Variants in ZBTB20 observed in about 807,000 individuals in gnomAD.
ZBTB20 encodes the protein zinc finger and BTB domain-containing protein 20.
Under a neutral mutation model 56.9 loss-of-function variants are expected in ZBTB20, and 9 were observed. The observed-to-expected ratio is 0.16, with a 90% CI of 0.10 to 0.28. The LOEUF (loss-of-function observed/expected upper bound fraction) is 0.28. ZBTB20 is among the 10% of genes least tolerant of loss of function. ZBTB20 has a pLI of 1.00. For synonymous variants in ZBTB20, 417 were observed against 420.7 expected, an observed-to-expected ratio of 0.99 and a Z score of 0.11; for missense variants, 655 against 1,003.0, an observed-to-expected ratio of 0.65 and a Z score of 4.69.
chr3:114,688,056 C>G (rs1245318658), intron 6 of ZBTB20: 5 of 152,166 alleles, frequency 3.3e-5, no homozygotes, highest in South Asian at 4.2e-4. Flanking sequence ...ATGGTGAAAC[C>G]CTGTCTCTAC....
chr3:115,083,497 T>A (rs966783673), intron 1 of ZBTB20, among the ~76,000 whole-genome samples: 1 of 152,058 alleles, frequency 6.6e-6, no homozygotes, highest in Non-Finnish European at 1.5e-5. Flanking sequence ...ACAATACCTA[T>A]GTTTGTAAAC....
At chr3:114,959,471 G>C (rs965109998) in intron 3 of ZBTB20, among the ~76,000 whole-genome samples, 3 of 152,020 alleles carry the variant, frequency 2.0e-5, no homozygotes, top group African/African-American at 7.2e-5. Flanking sequence ...AAGGAAGAAA[G>C]AAAAGACATT....
intron 2 of ZBTB20, among the ~76,000 whole-genome samples, chr3:114,986,899 C>T (rs1313404041): frequency 6.6e-6 from 1 of 152,080 alleles, no homozygotes; most frequent in African/African-American, 2.4e-5. Flanking sequence ...AATCCTACTG[C>T]CAATCAGCTT....
intron 3 of ZBTB20, among the ~76,000 whole-genome samples, chr3:114,939,040 C>T (rs1017071730): frequency 5.5e-5 from 8 of 145,166 alleles, no homozygotes; most frequent in Non-Finnish European, 1.2e-4. Context: ...GAAGCAGCCC[C>T]AAAGAAGGAT....
intron 7 of ZBTB20, among the ~76,000 whole-genome samples, chr3:114,398,897 C>T (rs1449904043): frequency 6.6e-6 from 1 of 152,134 alleles, no homozygotes; most frequent in Non-Finnish European, 1.5e-5. Flanking sequence ...AGACACAATA[C>T]ATTGGTGAAT....
At chr3:114,476,576 G>A (rs2040796828) in intron 7 of ZBTB20, among the ~76,000 whole-genome samples, 1 of 152,186 alleles carries the variant, frequency 6.6e-6, no homozygotes. Context: ...GGGCAAGAGA[G>A]CACAAAAGCC....
chr3:114,706,014 C>T (rs950094621), intron 5 of ZBTB20, among the ~76,000 whole-genome samples: 11 of 152,100 alleles, frequency 7.2e-5, no homozygotes, highest in African/African-American at 2.2e-4. Context: ...CATCTAGCCA[C>T]GGTCTATAGG....
At chr3:115,115,511 T>C (rs897650062) in intron 1 of ZBTB20, among the ~76,000 whole-genome samples, 1 of 152,088 alleles carries the variant, frequency 6.6e-6, no homozygotes, top group Non-Finnish European at 1.5e-5. Context: ...TTTAACTATA[T>C]AGTAAACATT....
At chr3:115,119,920 T>C (rs1024492154) in intron 1 of ZBTB20, among the ~76,000 whole-genome samples, 2 of 151,718 alleles carry the variant, frequency 1.3e-5, no homozygotes, top group African/African-American at 2.4e-5. Flanking sequence ...AAGAAGCCAA[T>C]CTAAAAGGCT....
intron 4 of ZBTB20, among the ~76,000 whole-genome samples, chr3:114,823,686 T>C (rs532265688): frequency 6.6e-6 from 1 of 152,214 alleles, no homozygotes; most frequent in East Asian, 1.9e-4. Flanking sequence ...AGTGCAGTTG[T>C]TGTACTATAT....
intron 6 of ZBTB20, among the ~76,000 whole-genome samples, chr3:114,592,347 G>A (rs754965798): frequency 2.8e-4 from 42 of 152,146 alleles, no homozygotes; most frequent in African/African-American, 6.8e-4. Flanking sequence ...TTATCAAGGC[G>A]TTGTGTCCTG....
chr3:114,400,163 TG>T (rs943869396), intron 7 of ZBTB20, among the ~76,000 whole-genome samples: 2 of 152,200 alleles, frequency 1.3e-5, no homozygotes, highest in Non-Finnish European at 2.9e-5. Flanking sequence ...CTTGTCTTCC[TG>T]GATCTGGTAA....
At chr3:114,438,144 G>C (rs1160942720) in intron 7 of ZBTB20, among the ~76,000 whole-genome samples, 2 of 152,068 alleles carry the variant, frequency 1.3e-5, no homozygotes, top group East Asian at 3.9e-4. Context: ...ATGAGGGGAA[G>C]GCCACAGAAC....
intron 3 of ZBTB20, among the ~76,000 whole-genome samples, chr3:114,943,465 T>C (rs2076786673): frequency 6.9e-6 from 1 of 145,642 alleles, no homozygotes; most frequent in Non-Finnish European, 1.5e-5. Context: ...ATATAGTCTT[T>C]TAAAAACAGT....
intron 6 of ZBTB20, among the ~76,000 whole-genome samples, chr3:114,620,440 G>A (rs1205638073): frequency 6.6e-6 from 1 of 152,034 alleles, no homozygotes; most frequent in East Asian, 1.9e-4. Context: ...TTACACGCAT[G>A]CGCCACCATG....
At chr3:114,576,790 AAGAC>A (rs555499271) in intron 6 of ZBTB20, among the ~76,000 whole-genome samples, 2 of 22,144 alleles carry the variant, frequency 9.0e-5, no homozygotes, top group African/African-American at 1.0e-4. Context: ...CACATCAAAA[AAGAC>A]AGAGAGTGAG....
At chr3:114,724,593 T>G (rs988880956) in intron 5 of ZBTB20, among the ~76,000 whole-genome samples, 2 of 152,232 alleles carry the variant, frequency 1.3e-5, no homozygotes, top group Non-Finnish European at 2.9e-5. Context: ...TAATTATCCC[T>G]TCTTTAAAAT....
At chr3:114,581,629 A>G (rs1006163289) in intron 6 of ZBTB20, among the ~76,000 whole-genome samples, 1 of 152,026 alleles carries the variant, frequency 6.6e-6, no homozygotes, top group South Asian at 2.1e-4. Flanking sequence ...ATAACCCAAC[A>G]GAAAGATGGA....
intron 6 of ZBTB20, among the ~76,000 whole-genome samples, chr3:114,642,514 A>T (rs140316333): frequency 1.3e-5 from 2 of 152,054 alleles, no homozygotes; most frequent in African/African-American, 4.8e-5. Flanking sequence ...TGTGAGAAAT[A>T]GAGCATACTG....
Sources: allele counts gnomAD v4.1 joint callset (sites outside exome capture counted in the v4.1 genomes callset), GRCh38; gene constraint gnomAD v4.1.1; transcripts MANE v1.5; gene names NCBI Gene and HGNC (gene_info 2026-07-23, HGNC 2026-07-21).